NLGN1: variants seen among roughly 807,000 people sequenced by gnomAD.
The protein encoded by NLGN1 is neuroligin 1.
In NLGN1, 12 loss-of-function variants were observed where a neutral mutation model predicts 65.5. The ratio of observed to expected loss-of-function variants is 0.18; its 90% CI spans 0.12 to 0.30. The LOEUF (loss-of-function observed/expected upper bound fraction) is 0.30. Ranked by LOEUF, NLGN1 falls within the 10% of genes least tolerant of loss-of-function variation. The pLI is 1.00. For missense variants in NLGN1, 750 were observed against 1,007.1 expected, an observed-to-expected ratio of 0.74 and a Z score of 3.46; for synonymous variants, 350 against 359.5, an observed-to-expected ratio of 0.97 and a Z score of 0.30.
intron 5 of NLGN1, among the ~76,000 whole-genome samples, chr3:174,276,319 G>GAATC (rs1561455426): frequency 1.3e-5 from 2 of 151,688 alleles, no homozygotes; most frequent in African/African-American, 4.8e-5. Flanking sequence ...ACCATGCATA[G>GAATC]AATCACCCAT....
At chr3:174,195,648 G>A (rs1029700281) in intron 4 of NLGN1, among the ~76,000 whole-genome samples, 1 of 152,142 alleles carries the variant, frequency 6.6e-6, no homozygotes, top group African/African-American at 2.4e-5. Flanking sequence ...CTGTGCACAA[G>A]AAATATTCTT....
intron 4 of NLGN1, among the ~76,000 whole-genome samples, chr3:174,098,062 T>A (rs1711513838): frequency 6.6e-6 from 1 of 152,190 alleles, no homozygotes. Flanking sequence ...CATTTCTCCA[T>A]AAATGTTGGA....
In NLGN1 at chr3:173,648,980, C is replaced by G. The variant is rs150280805; in HGVS notation, c.493+43889C>G. On this transcript the variant is annotated intron_variant, in intron 3 of 6. Coordinates refer to ENST00000457714, the Ensembl canonical transcript of NLGN1. The stretch of plus-strand genomic sequence containing the variant: ...ATGAATGTTCATAGAACCTTTATTT[C>G]TATTAGTATGAAACCCAAAACAACC... 4.6e-5 allele frequency among the ~76,000 whole-genome samples: 7 copies of G among 152,206 alleles called. No homozygotes were observed. In the East Asian group the frequency reaches 9.6e-4, roughly 21 times the overall value.
intron 3 of NLGN1, among the ~76,000 whole-genome samples, chr3:173,616,201 A>G (rs1753046523): frequency 1.3e-5 from 2 of 152,174 alleles, no homozygotes; most frequent in Admixed American, 6.5e-5. Flanking sequence ...CTATGGGACC[A>G]TATTTCAGAT....
chr3:173,622,071 A>T (rs1577584491), intron 3 of NLGN1, among the ~76,000 whole-genome samples: 1 of 152,236 alleles, frequency 6.6e-6, no homozygotes, highest in Non-Finnish European at 1.5e-5. Flanking sequence ...AAATTTCTCT[A>T]TTACTGTCAT....
At chr3:173,884,758 C>T (rs1038390959) in intron 4 of NLGN1, among the ~76,000 whole-genome samples, 10 of 152,088 alleles carry the variant, frequency 6.6e-5, no homozygotes, top group African/African-American at 1.7e-4. Context: ...AAAAAAAACG[C>T]AGACTGGATA....
At chr3:173,494,039 C>T (rs1729604494) in intron 2 of NLGN1, among the ~76,000 whole-genome samples, 1 of 151,454 alleles carries the variant, frequency 6.6e-6, no homozygotes, top group Non-Finnish European at 1.5e-5. Flanking sequence ...TCTCTGGTTA[C>T]TTGTGGTTTC....
chr3:173,728,077 C>T (rs773638926), intron 3 of NLGN1, among the ~76,000 whole-genome samples: 1 of 152,002 alleles, frequency 6.6e-6, no homozygotes, highest in East Asian at 1.9e-4. Context: ...CAGCAGTTTG[C>T]CCTATGGTGG....
At chr3:173,588,817 G>A (rs770221512) in intron 2 of NLGN1, among the ~76,000 whole-genome samples, 8 of 152,016 alleles carry the variant, frequency 5.3e-5, no homozygotes, top group Non-Finnish European at 8.8e-5. Context: ...CTCATAAAAC[G>A]TTCAAGTCCC....
At chr3:173,838,129 T>C (rs1724017819) in intron 4 of NLGN1, among the ~76,000 whole-genome samples, 1 of 152,032 alleles carries the variant, frequency 6.6e-6, no homozygotes, top group Non-Finnish European at 1.5e-5. Context: ...TTGTTCCTTA[T>C]ACAGTGTCTG....
intron 4 of NLGN1, among the ~76,000 whole-genome samples, chr3:174,211,177 T>C (rs1341297911): frequency 1.3e-5 from 2 of 152,200 alleles, no homozygotes; most frequent in East Asian, 3.9e-4. Flanking sequence ...CAAGATTTAC[T>C]GCAAAGAGCG....
At chr3:174,249,471 A>G (rs1255338227) in intron 4 of NLGN1, among the ~76,000 whole-genome samples, 1 of 152,208 alleles carries the variant, frequency 6.6e-6, no homozygotes, top group Non-Finnish European at 1.5e-5. Flanking sequence ...CAAAGATCCA[A>G]TGTCAGTCTC....
chr3:173,671,751 A>G (rs1013205040), intron 3 of NLGN1, among the ~76,000 whole-genome samples: 1 of 152,218 alleles, frequency 6.6e-6, no homozygotes, highest in Non-Finnish European at 1.5e-5. Flanking sequence ...CCAATGGCAA[A>G]CACAAGGTAA....
At chr3:174,078,619 A>G (rs1741501776) in intron 4 of NLGN1, among the ~76,000 whole-genome samples, 1 of 152,178 alleles carries the variant, frequency 6.6e-6, no homozygotes, top group South Asian at 2.1e-4. Context: ...CTAAATCATT[A>G]TGATGCTACT....
rs112203516 is a variant in NLGN1, at chr3:174,119,652, A to G, written c.647-155663A>G. ...TCCCTGGAATGACTACAGTATTACT[A>G]TACAACTTACTTAGAAGCTAAACTA... On this transcript the variant is annotated intron_variant, in intron 4 of 6. Transcript: ENST00000457714. Among the ~76,000 whole-genome samples the G allele has an allele frequency of 8.5e-3, 1,295 of 152,316 alleles. 24 individuals carry two copies. The highest frequency in any genetic ancestry group is 0.03 in the African/African-American group (1,234 of 41,572).
At chr3:173,458,307 A>G (rs1722832289) in intron 2 of NLGN1, among the ~76,000 whole-genome samples, 1 of 151,962 alleles carries the variant, frequency 6.6e-6, no homozygotes, top group African/African-American at 2.4e-5. Context: ...TGAAGGTCAG[A>G]CGTCAGAATA....
chr3:173,794,273 A>G lies in NLGN1; in HGVS notation c.494-13407A>G, dbSNP rs541172735. ...TATCACAATTTATAAGTGTATGTGT[A>G]TGTATATTTGCTTCATGTCTCTTTG... On this transcript the variant is annotated intron_variant, in intron 3 of 6. Coordinates refer to ENST00000457714, the Ensembl canonical transcript of NLGN1. Among the ~76,000 whole-genome samples, 4 of 152,270 alleles carry G rather than the reference A, an allele frequency of 2.6e-5. No individual in the cohort carries two copies. The South Asian group carries it at 8.3e-4, about 31-fold the overall frequency.
At chr3:174,200,093 G>A (rs1307764726) in intron 4 of NLGN1, among the ~76,000 whole-genome samples, 1 of 152,140 alleles carries the variant, frequency 6.6e-6, no homozygotes, top group Non-Finnish European at 1.5e-5. Flanking sequence ...AATGGACCAG[G>A]AACCCTGAGT....
chr3:174,103,203 C>G (rs1712943679), intron 4 of NLGN1, among the ~76,000 whole-genome samples: 1 of 152,058 alleles, frequency 6.6e-6, no homozygotes. Context: ...CCGTGTGTCA[C>G]ATTCATTGAA....
Sources: gnomAD v4.1 joint callset for allele counts (sites outside exome capture counted in the v4.1 genomes callset) on GRCh38, gnomAD v4.1.1 for gene constraint, MANE v1.5 for transcripts, NCBI Gene and HGNC (gene_info 2026-07-23, HGNC 2026-07-21) for gene names.